RORA: variants seen among roughly 807,000 people sequenced by gnomAD.
RORA encodes RAR related orphan receptor A.
A neutral mutation model predicts 69.5 loss-of-function variants in RORA; 7 were observed. The observed-to-expected ratio is 0.10, with a 90% CI of 0.06 to 0.19. The LOEUF is 0.19. Among genes scored for constraint, RORA ranks in the 10% least tolerant of loss-of-function variants. The probability of loss-of-function intolerance (pLI) is 1.00; values close to 1 mark genes in which losing one functional copy is unlikely to be tolerated. For synonymous variants in RORA, 261 were observed against 240.8 expected, an observed-to-expected ratio of 1.08 and a Z score of -0.78; for missense variants, 457 against 663.0, an observed-to-expected ratio of 0.69 and a Z score of 3.41.
intron 1 of RORA, among the ~76,000 whole-genome samples, chr15:60,996,858 G>C (rs569910867): frequency 0.23 from 34,763 of 151,446 alleles, 4,870 homozygotes; most frequent in African/African-American, 0.4. Flanking sequence ...TGCAGTGAGT[G>C]GAGATCACGC....
At chr15:60,774,128 T>C (rs778442891) in intron 1 of RORA, among the ~76,000 whole-genome samples, 1 of 152,198 alleles carries the variant, frequency 6.6e-6, no homozygotes, top group Non-Finnish European at 1.5e-5. Flanking sequence ...CTGGAGGACC[T>C]GGCGGACACC....
At chr15:61,207,334 A>G (rs1412754685) in intron 1 of RORA, among the ~76,000 whole-genome samples, 1 of 152,212 alleles carries the variant, frequency 6.6e-6, no homozygotes, top group Non-Finnish European at 1.5e-5. Flanking sequence ...AAATGGACCT[A>G]AGAACAGCTG....
chr15:61,031,504 G>C (rs1896167405), intron 1 of RORA, among the ~76,000 whole-genome samples: 1 of 152,148 alleles, frequency 6.6e-6, no homozygotes, highest in South Asian at 2.1e-4. Flanking sequence ...CTGAAGTTTT[G>C]TACTATGTGG....
chr15:60,797,601 G>A (rs1318660865), intron 1 of RORA, among the ~76,000 whole-genome samples: 2 of 152,190 alleles, frequency 1.3e-5, no homozygotes, highest in East Asian at 1.9e-4. Flanking sequence ...CCCATGAGAT[G>A]AGACTGAATG....
chr15:60,809,026 G>T (rs1453646782), intron 1 of RORA, among the ~76,000 whole-genome samples: 4 of 152,092 alleles, frequency 2.6e-5, no homozygotes, highest in Admixed American at 2.6e-4. Context: ...CAGAGGAAAT[G>T]TTGGGGGGTG....
At chr15:60,802,031 T>C (rs2072589615) in intron 1 of RORA, among the ~76,000 whole-genome samples, 1 of 152,194 alleles carries the variant, frequency 6.6e-6, no homozygotes, top group Non-Finnish European at 1.5e-5. Context: ...ATCTAATTGC[T>C]AGGCAATGAA....
chr15:61,029,303 A>T (rs913892359), intron 1 of RORA, among the ~76,000 whole-genome samples: 2 of 152,164 alleles, frequency 1.3e-5, no homozygotes, highest in African/African-American at 4.8e-5. Flanking sequence ...ACCATTGGAA[A>T]GACAGAAAAA....
intron 1 of RORA, among the ~76,000 whole-genome samples, chr15:61,198,675 C>CAAA (rs34291851): frequency 0.041 from 5,661 of 139,428 alleles, 340 homozygotes; most frequent in East Asian, 0.19. Context: ...TATATTCTCT[C>CAAA]AAAAAAAAAA....
At chr15:60,572,392 G>C (rs374629259) in intron 2 of RORA, among the ~76,000 whole-genome samples, 1 of 152,046 alleles carries the variant, frequency 6.6e-6, no homozygotes, top group East Asian at 1.9e-4. Flanking sequence ...CTAAACACTT[G>C]AATGCTCTGG....
intron 1 of RORA, among the ~76,000 whole-genome samples, chr15:60,697,155 A>T (rs1440404921): frequency 2.0e-5 from 3 of 152,192 alleles, no homozygotes; most frequent in Non-Finnish European, 2.9e-5. Flanking sequence ...AGGGCGAGAG[A>T]TTTTTAAGCT....
At chr15:60,875,705 C>T (rs1038631988) in intron 1 of RORA, among the ~76,000 whole-genome samples, 7 of 152,240 alleles carry the variant, frequency 4.6e-5, no homozygotes, top group East Asian at 3.9e-4. Flanking sequence ...GTATGTCCAA[C>T]GGTGAGGATA....
At chr15:61,180,753 T>C (rs369250080) in intron 1 of RORA, among the ~76,000 whole-genome samples, 1 of 152,200 alleles carries the variant, frequency 6.6e-6, no homozygotes, top group African/African-American at 2.4e-5. Flanking sequence ...TTGCCCACTT[T>C]TGAGTTCCAG....
chr15:61,202,592 G>A (rs184765859), intron 1 of RORA, among the ~76,000 whole-genome samples: 6 of 152,214 alleles, frequency 3.9e-5, no homozygotes, highest in African/African-American at 1.4e-4. Flanking sequence ...CAACCTCATA[G>A]GAGCAGGAGA....
At chr15:61,228,790 G>A (rs955563661) in intron 1 of RORA, among the ~76,000 whole-genome samples, 5 of 151,956 alleles carry the variant, frequency 3.3e-5, no homozygotes, top group Middle Eastern at 3.4e-3. Context: ...TCAAAGCCAG[G>A]GGGGTGAGCC....
At chr15:61,143,086 G>C (rs1394100974) in intron 1 of RORA, among the ~76,000 whole-genome samples, 1 of 152,074 alleles carries the variant, frequency 6.6e-6, no homozygotes, top group Non-Finnish European at 1.5e-5. Context: ...TATGTACCTA[G>C]AACGCCAAAG....
chr15:60,998,464 C>G (rs1894635922), intron 1 of RORA, among the ~76,000 whole-genome samples: 1 of 151,048 alleles, frequency 6.6e-6, no homozygotes, highest in South Asian at 2.1e-4. Context: ...GTGGTGTGAT[C>G]TCAGCTCACT....
At chr15:60,839,616 G>A (rs889475834) in intron 1 of RORA, among the ~76,000 whole-genome samples, 2 of 152,176 alleles carry the variant, frequency 1.3e-5, no homozygotes, top group East Asian at 1.9e-4. Flanking sequence ...TACAGTGCAC[G>A]TGGCAGAGAG....
chr15:61,204,963 A>C (rs1318343396), intron 1 of RORA, among the ~76,000 whole-genome samples: 3 of 152,316 alleles, frequency 2.0e-5, no homozygotes, highest in South Asian at 2.1e-4. Context: ...CAGGCTTTTC[A>C]ATCTAAAAAC....
rs1022720548 is a variant in RORA, at chr15:61,154,110, C to G, written c.166+74943G>C. 2.0e-5 allele frequency among the ~76,000 whole-genome samples: 3 copies of G among 152,110 alleles called. No homozygotes were observed. The East Asian group carries it at 5.8e-4, about 29-fold the overall frequency. On this transcript the variant is annotated intron_variant, in intron 1 of 10. Coordinates refer to ENST00000335670, the MANE Select transcript of RORA (RefSeq NM_134261.3). ...CCAATACCAGGTCTTTAACTCACCC[C>G]TTTTCTCATGCCCAGTTCACCCTTT...
Sources: allele counts gnomAD v4.1 joint callset (sites outside exome capture counted in the v4.1 genomes callset), GRCh38; gene constraint gnomAD v4.1.1; transcripts MANE v1.5; gene names NCBI Gene and HGNC (gene_info 2026-07-23, HGNC 2026-07-21).